ACADL: variants seen among roughly 807,000 people sequenced by gnomAD.
ACADL encodes long-chain specific acyl-CoA dehydrogenase, mitochondrial.
In ACADL, 60 loss-of-function variants were observed where a neutral mutation model predicts 56.9. That is an observed-to-expected ratio of 1.05 (90% CI 0.86 to 1.31). The LOEUF (loss-of-function observed/expected upper bound fraction) is 1.31. Ranked by LOEUF, ACADL falls within the 50% of genes most tolerant of loss-of-function variation. ACADL has a pLI of 0.00. For missense variants in ACADL, 484 were observed against 525.5 expected (o/e 0.92, Z 0.77); for synonymous variants, 158 against 179.7 (o/e 0.88, Z 0.97).
intron 9 of ACADL, 43 bp from the exon 10 acceptor site, chr2:210,192,933 G>T (rs1355383989): frequency 6.7e-7 from 1 of 1,483,232 alleles, no homozygotes; most frequent in African/African-American, 1.4e-5. Flanking sequence ...TGTTTGAAAT[G>T]GATTTTCATG....
At chr2:210,224,591 T>C (rs1689235457) in intron 1 of ACADL, 1 of 985,338 alleles carries the variant, frequency 1.0e-6, no homozygotes, top group Admixed American at 6.1e-5. Context: ...ATCCTCTGTA[T>C]TTAGTTAGAT....
In ACADL at chr2:210,198,873, C is replaced by A. The variant is rs1450407873; in HGVS notation, c.985-3535G>T. ...GTTTTATTGTCTATTCCGCAAAAAA[C>A]CATAAGATCGACATAAACTATGGAG... On this transcript the variant is annotated intron_variant, in intron 8 of 10. Transcript: ENST00000233710. Among the ~76,000 whole-genome samples, 6 of 152,122 alleles carry A rather than the reference C, an allele frequency of 3.9e-5. No homozygotes were observed. In the East Asian group the frequency reaches 7.7e-4, roughly 20 times the overall value.
intron 8 of ACADL, among the ~76,000 whole-genome samples, chr2:210,198,170 C>T (rs1688739536): frequency 6.6e-6 from 1 of 152,218 alleles, no homozygotes; most frequent in South Asian, 2.1e-4. Context: ...TCTGAAGTTA[C>T]TAAGTGGGCT....
Position 210,188,121 on chromosome 2 carries a change from G to GTTTTGT in ACADL, c.*834_*839dup. The GTTTTGT allele has an allele frequency of 6.6e-6, 1 of 152,112 alleles. No homozygotes were observed. Among genetic ancestry groups the GTTTTGT allele is most frequent in the East Asian group, 1.9e-4 (1 of 5,184 alleles). 9.4% of individuals were successfully genotyped at this position (152,112 alleles called of 1,614,324 possible). On this transcript the variant is annotated 3_prime_UTR_variant, in exon 11 of 11. Coordinates refer to ENST00000233710, the MANE Select transcript of ACADL (RefSeq NM_001608.4). ...CACTTATTTTTTAGTGATCTTGCCA[G>GTTTTGT]TTTTGTTTGTCATCATTGTATTAAC...
At position 210,225,327 on chromosome 2, in the gene ACADL, A is replaced by G. The variant is rs559151471; in HGVS notation, c.-64T>C. 2 of 1,502,540 alleles carry G rather than the reference A, an allele frequency of 1.3e-6. No homozygotes were observed. Among genetic ancestry groups the G allele is most frequent in the East Asian group, 2.5e-5 (1 of 40,070 alleles). The allele number at this position is 1,502,540 out of a possible 1,614,324, so 93.1% of individuals were successfully genotyped here. On this transcript the variant is annotated 5_prime_UTR_variant, in exon 1 of 11. Coordinates refer to ENST00000233710, the MANE Select transcript of ACADL (RefSeq NM_001608.4). ...CTGCGGCTACTCGGCGACTCGGGGCAGGGTCCCCGGGAGGGAGGACGATCA... is the reference window on the plus strand; with the variant it reads ...CTGCGGCTACTCGGCGACTCGGGGCGGGGTCCCCGGGAGGGAGGACGATCA...
intron 10 of ACADL, among the ~76,000 whole-genome samples, chr2:210,191,869 GA>G (rs948135060): frequency 2.0e-5 from 3 of 152,052 alleles, no homozygotes; most frequent in South Asian, 2.1e-4. Context: ...GGGTGATGAG[GA>G]AAAAAAGCTA....
At chr2:210,192,984 T>A in intron 9 of ACADL, 94 bp from the exon 10 acceptor site, 1 of 926,646 alleles carries the variant, frequency 1.1e-6, no homozygotes, top group Non-Finnish European at 1.7e-6. Flanking sequence ...TACAATTGTT[T>A]AAATGTGCAC....
chr2:210,224,968 G>A, intron 1 of ACADL: 2 of 1,379,194 alleles, frequency 1.5e-6, no homozygotes, highest in Non-Finnish European at 1.9e-6. Context: ...CTGTTCTCGG[G>A]GCGGCACGGC....
At chr2:210,212,907 C>T (rs962104959) in intron 4 of ACADL, among the ~76,000 whole-genome samples, 4 of 152,156 alleles carry the variant, frequency 2.6e-5, no homozygotes, top group Admixed American at 2.6e-4. Context: ...CAACATTGTC[C>T]GTGGCTAACA....
Position 210,188,098 on chromosome 2 carries a change from C to T in ACADL, c.*863G>A, listed in dbSNP as rs2125706677. 1 of 152,200 alleles carries T rather than the reference C, an allele frequency of 6.6e-6. No individual in the cohort carries two copies. The highest frequency in any genetic ancestry group is 1.5e-5 in the Non-Finnish European group (1 of 67,998). 9.4% of individuals were successfully genotyped at this position (152,200 alleles called of 1,614,324 possible). A position where few individuals can be genotyped will look rare whatever the true frequency, so the allele number is the denominator to read the frequency against. The stretch of plus-strand genomic sequence containing the variant: ...ATTTTACTACTTATTTGTTTATTCA[C>T]TTATTTTTTAGTGATCTTGCCAGTT... On this transcript the variant is annotated 3_prime_UTR_variant, in exon 11 of 11. Transcript: ENST00000233710.
intron 1 of ACADL, among the ~76,000 whole-genome samples, chr2:210,222,250 T>C (rs1409349535): frequency 6.6e-6 from 1 of 152,012 alleles, no homozygotes; most frequent in Non-Finnish European, 1.5e-5. Flanking sequence ...AAACTATAAA[T>C]ATGCAAATTG....
chr2:210,224,705 G>A, intron 1 of ACADL: 2 of 987,036 alleles, frequency 2.0e-6, no homozygotes, highest in Non-Finnish European at 1.2e-6. Context: ...CGCAGCCCGG[G>A]CACTGAGTCC....
intron 4 of ACADL, among the ~76,000 whole-genome samples, chr2:210,213,884 A>G (rs1689029683): frequency 6.6e-6 from 1 of 152,180 alleles, no homozygotes; most frequent in African/African-American, 2.4e-5. Context: ...TAGCCATATA[A>G]TAAAATCAAC....
chr2:210,213,618 C>A (rs6726602), intron 4 of ACADL, among the ~76,000 whole-genome samples: 152,279 of 152,350 alleles, frequency 1, 76,104 homozygotes, highest in Non-Finnish European at 1. Flanking sequence ...AAAATGAAAA[C>A]GTATACTACT....
rs1298817675 is a variant in ACADL, at chr2:210,192,860, G to T, written c.1143C>A (p.Tyr381Ter). ...WASELQNSVA[Y>*]DCVQLHGGWG... ...AACCTCCATGGAGCTGTACACAGTC[G>T]TAAGCTACACTATTTTGTAACTCAG... is the stretch of plus-strand genomic sequence containing the variant. Residue 381 changes from tyrosine to a stop codon, truncating the protein, a stop_gained, in exon 10 of 11, where the codon TAC becomes TAA. Coordinates refer to ENST00000233710, the MANE Select transcript of ACADL (RefSeq NM_001608.4). LOFTEE classifies it high-confidence loss of function. 1 of 1,613,696 alleles carries T rather than the reference G, an allele frequency of 6.2e-7. No individual in the cohort carries two copies. The highest frequency in any genetic ancestry group is 1.1e-5 in the South Asian group (1 of 91,082).
chr2:210,211,411 G>T (rs1025256069), intron 4 of ACADL, among the ~76,000 whole-genome samples: 1 of 152,236 alleles, frequency 6.6e-6, no homozygotes, highest in Non-Finnish European at 1.5e-5. Context: ...CTTTATGTGG[G>T]TGATATGGTT....
rs530773421 is a variant in ACADL at position 210,191,981 on chromosome 2, T to C, written c.1199+823A>G. On this transcript the variant is annotated intron_variant, in intron 10 of 10. Transcript: ENST00000233710. ...ACACTGCCTATTTACAAATTAGTAC[T>C]GCTTCAAACTGATAAGAATATTCAT... Among the ~76,000 whole-genome samples the C allele has an allele frequency of 3.0e-4, 46 of 152,262 alleles. No homozygotes were observed. The South Asian group carries it at 3.1e-3, about 10-fold the overall frequency.
At chr2:210,219,528 A>G (rs1689141840) in intron 2 of ACADL, among the ~76,000 whole-genome samples, 1 of 152,202 alleles carries the variant, frequency 6.6e-6, no homozygotes, top group Admixed American at 6.6e-5. Flanking sequence ...GTTGCTTTTC[A>G]CCGAAGACTA....
At chr2:210,213,287 G>A (rs1336494737) in intron 4 of ACADL, among the ~76,000 whole-genome samples, 2 of 152,136 alleles carry the variant, frequency 1.3e-5, no homozygotes, top group Non-Finnish European at 2.9e-5. Context: ...ATCACCTGAG[G>A]TCAGGAGTCC....
Sources: allele counts gnomAD v4.1 joint callset (sites outside exome capture counted in the v4.1 genomes callset), GRCh38; gene constraint gnomAD v4.1.1; transcripts MANE v1.5; gene names NCBI Gene and HGNC (gene_info 2026-07-23, HGNC 2026-07-21).